LRGUK: variants seen among roughly 807,000 people sequenced by gnomAD.
LRGUK encodes the protein leucine-rich repeat and guanylate kinase domain-containing protein.
A neutral mutation model predicts 76.0 loss-of-function variants in LRGUK; 65 were observed. The ratio of observed to expected loss-of-function variants is 0.85; its 90% confidence interval spans 0.70 to 1.05. The LOEUF is 1.05. LRGUK is among the 50% of genes least tolerant of loss of function. LRGUK has a pLI of 0.00. For synonymous variants in LRGUK, 268 were observed against 265.6 expected (o/e 1.01, Z -0.09); for missense variants, 758 against 732.8 (o/e 1.03, Z -0.40).
At chr7:134,162,039 A>G (rs1168097141) in intron 6 of LRGUK, among the ~76,000 whole-genome samples, 1 of 152,108 alleles carries the variant, frequency 6.6e-6, no homozygotes, top group Non-Finnish European at 1.5e-5. Context: ...AGAAGACAAC[A>G]TTTCAGTCTT....
At chr7:134,205,929 C>T (rs1052495587) in intron 15 of LRGUK, among the ~76,000 whole-genome samples, 4 of 152,106 alleles carry the variant, frequency 2.6e-5, no homozygotes, top group Admixed American at 2.0e-4. Context: ...AAAAGTATTC[C>T]CAGATATCTG....
At chr7:134,182,516 G>A (rs1257624717) in intron 10 of LRGUK, among the ~76,000 whole-genome samples, 1 of 152,064 alleles carries the variant, frequency 6.6e-6, no homozygotes, top group Non-Finnish European at 1.5e-5. Context: ...GTACTTATAT[G>A]TGTTTCCCAT....
exon 11 of LRGUK, chr7:134,183,745 G>C: frequency 6.2e-7 from 1 of 1,613,976 alleles, no homozygotes; most frequent in South Asian, 1.1e-5. Context: ...ACTCTTCCCA[G>C]CCTGGATGCC....
At chr7:134,158,473 AT>A (rs1249567090) in intron 6 of LRGUK, among the ~76,000 whole-genome samples, 11 of 152,282 alleles carry the variant, frequency 7.2e-5, no homozygotes, top group African/African-American at 2.4e-4. Context: ...ATTTAAAAAT[AT>A]TTTTTATAGT....
chr7:134,263,811 G>A (rs777391059), intron 19 of LRGUK, 34 bp from the exon 20 acceptor site: 2 of 1,576,044 alleles, frequency 1.3e-6, no homozygotes, highest in South Asian at 1.2e-5. Context: ...AGAAACCAAG[G>A]GATTAACTAT....
chr7:134,218,041 A>G (rs1801481212), intron 15 of LRGUK, among the ~76,000 whole-genome samples: 1 of 152,164 alleles, frequency 6.6e-6, no homozygotes, highest in Non-Finnish European at 1.5e-5. Context: ...AGCTCACTGC[A>G]GCCTCCGCCT....
chr7:134,152,409 G>C (rs1025838219), intron 5 of LRGUK, among the ~76,000 whole-genome samples: 30 of 151,992 alleles, frequency 2.0e-4, no homozygotes, highest in Admixed American at 7.9e-4. Flanking sequence ...CCCTGGATAA[G>C]AAGATGGGCA....
At chr7:134,192,395 A>G (rs997667041) in intron 12 of LRGUK, among the ~76,000 whole-genome samples, 1 of 152,212 alleles carries the variant, frequency 6.6e-6, no homozygotes, top group African/African-American at 2.4e-5. Context: ...TGTTTTTACA[A>G]GGTCAAGGTA....
Position 134,242,383 on chromosome 7 carries a change from C to T in LRGUK, c.1984-5173C>T, listed in dbSNP as rs183678621. Among the ~76,000 whole-genome samples the T allele has an allele frequency of 4.1e-3, 626 of 152,224 alleles. 7 individuals carry two copies. Among genetic ancestry groups the T allele is most frequent in the African/African-American group, 0.014 (575 of 41,530 alleles). ...TGATAAAGGGGATATCACCATGGATCCCACAGAAATACAAACTACCATCAG... is the reference window on the plus strand; with the variant it reads ...TGATAAAGGGGATATCACCATGGATTCCACAGAAATACAAACTACCATCAG... On this transcript the variant is annotated intron_variant, in intron 16 of 19. Transcript: ENST00000285928.
At chr7:134,268,686 C>T (rs1034370010), downstream of LRGUK, among the ~76,000 whole-genome samples, 1 of 141,290 alleles carries the variant, frequency 7.1e-6, no homozygotes, top group South Asian at 2.3e-4. Flanking sequence ...AATAAAACTA[C>T]AAACCAATAT....
intron 4 of LRGUK, among the ~76,000 whole-genome samples, chr7:134,144,740 G>A (rs1797900014): frequency 6.6e-6 from 1 of 152,060 alleles, no homozygotes. Flanking sequence ...TTTTTCTTCA[G>A]TTTTATATCA....
intron 15 of LRGUK, among the ~76,000 whole-genome samples, chr7:134,216,909 T>C (rs557719079): frequency 6.6e-6 from 1 of 152,158 alleles, no homozygotes; most frequent in Non-Finnish European, 1.5e-5. Flanking sequence ...AAGATCATGC[T>C]TAGGGTGTGG....
At chr7:134,180,118 G>GTCCTC (rs1418636375) in intron 10 of LRGUK, among the ~76,000 whole-genome samples, 1 of 152,152 alleles carries the variant, frequency 6.6e-6, no homozygotes, top group Non-Finnish European at 1.5e-5. Flanking sequence ...TACATGTCCT[G>GTCCTC]TCCCAAATCT....
chr7:134,188,077 G>A (rs934210690), intron 11 of LRGUK, among the ~76,000 whole-genome samples: 16 of 152,112 alleles, frequency 1.1e-4, no homozygotes, highest in African/African-American at 2.2e-4. Flanking sequence ...AATATTTATC[G>A]AGCACTGTGC....
chr7:134,269,306 T>G (rs1391987472), downstream of LRGUK, among the ~76,000 whole-genome samples: 1 of 151,994 alleles, frequency 6.6e-6, no homozygotes, highest in Middle Eastern at 3.2e-3. Context: ...TAGTTTGATT[T>G]CATTGTGGTC....
At chr7:134,198,147 A>G (rs1419682535) in intron 13 of LRGUK, among the ~76,000 whole-genome samples, 5 of 152,172 alleles carry the variant, frequency 3.3e-5, no homozygotes, top group African/African-American at 9.7e-5. Context: ...AATATTTCCA[A>G]TCTTACTTCT....
chr7:134,210,312 GTCCATACACCAGAAAT>G, downstream of LRGUK: 1 of 398,636 alleles, frequency 2.5e-6, no homozygotes, highest in Non-Finnish European at 4.4e-6. Flanking sequence ...GAGAAGCAAA[GTCCATACACCAGAAAT>G]TCCTGAGCCG....
At chr7:134,151,359 AC>A (rs1798217048) in intron 5 of LRGUK, among the ~76,000 whole-genome samples, 1 of 152,068 alleles carries the variant, frequency 6.6e-6, no homozygotes, top group African/African-American at 2.4e-5. Flanking sequence ...GGAAATAGAA[AC>A]CCTGAGTAGT....
chr7:134,196,885 T>C lies in LRGUK; in HGVS notation c.1432-107T>C, dbSNP rs1297764326. 7 of 582,572 alleles carry C rather than the reference T, an allele frequency of 1.2e-5. No homozygotes were observed. The East Asian group carries it at 2.0e-4, about 17-fold the overall frequency. 36.1% of individuals were successfully genotyped at this position (582,572 alleles called of 1,614,324 possible). On this transcript the variant is annotated intron_variant, in intron 12 of 15. Transcript: ENST00000645682. ...TCATCCTTATATAGTTGCTAAAATT[T>C]GTAAGGTTTTTGAAATTATTTAGAA...
Sources: gnomAD v4.1 joint callset for allele counts (sites outside exome capture counted in the v4.1 genomes callset) on GRCh38, gnomAD v4.1.1 for gene constraint, MANE v1.5 for transcripts, NCBI Gene and HGNC (gene_info 2026-07-23, HGNC 2026-07-21) for gene names.